The following LRP1B variants were observed in gnomAD, a reference collection of about 807,000 sequenced individuals.
LRP1B encodes low-density lipoprotein receptor-related protein 1B.
A neutral mutation model predicts 556.6 loss-of-function variants in LRP1B; 217 were observed. The observed-to-expected ratio is 0.39, with a 90% CI of 0.35 to 0.44. LRP1B has a LOEUF of 0.44. Among genes scored for constraint, LRP1B ranks in the 20% least tolerant of loss-of-function variants. LRP1B has a pLI of 1.00. For synonymous variants in LRP1B, 2,047 were observed against 1,865.8 expected, an observed-to-expected ratio of 1.10 and a Z score of -2.50; for missense variants, 5,053 against 5,620.8, an observed-to-expected ratio of 0.90 and a Z score of 3.23.
intron 2 of LRP1B, among the ~76,000 whole-genome samples, chr2:141,773,316 A>G (rs1694959932): frequency 6.6e-6 from 1 of 152,206 alleles, no homozygotes; most frequent in Admixed American, 6.5e-5. Context: ...TGAAATTTAA[A>G]ATTCTGGGGA....
At chr2:140,484,242 T>A (rs1325767566) in intron 59 of LRP1B, among the ~76,000 whole-genome samples, 5 of 152,130 alleles carry the variant, frequency 3.3e-5, no homozygotes, top group African/African-American at 1.2e-4. Flanking sequence ...ACAAAGCTTC[T>A]CCTATTAGGT....
rs116225973 is a variant in LRP1B at position 140,771,149 on chromosome 2, T to C, written c.5501-143A>G. On this transcript the variant is annotated intron_variant, in intron 33 of 90. Transcript: ENST00000389484. Reference sequence around the variant, plus strand: ...CATACTGGTTAAAGATTACGCTTTATTCTCTTGAATAATTTAAAGTAGTAA... The same window carrying C: ...CATACTGGTTAAAGATTACGCTTTACTCTCTTGAATAATTTAAAGTAGTAA... 8.9e-6 allele frequency: 5 copies of C among 562,874 alleles called. No homozygotes were observed. The African/African-American group carries it at 9.9e-5, about 11-fold the overall frequency. The allele number at this position is 562,874 out of a possible 1,614,324, so 34.9% of individuals were successfully genotyped here.
chr2:141,963,797 T>G (rs1248536638), intron 1 of LRP1B, among the ~76,000 whole-genome samples: 1 of 146,406 alleles, frequency 6.8e-6, no homozygotes, highest in African/African-American at 2.6e-5. Flanking sequence ...AAAGAGGAAG[T>G]CAAATTGTCC....
chr2:142,032,962 T>C (rs1703757237), intron 1 of LRP1B, among the ~76,000 whole-genome samples: 1 of 151,836 alleles, frequency 6.6e-6, no homozygotes, highest in South Asian at 2.1e-4. Context: ...TCTTTTGACC[T>C]AGCTCCCACA....
At chr2:140,405,666 T>C (rs1009691730) in intron 66 of LRP1B, among the ~76,000 whole-genome samples, 3 of 152,108 alleles carry the variant, frequency 2.0e-5, no homozygotes, top group Non-Finnish European at 4.4e-5. Context: ...ATAGAAACCC[T>C]GAACAGACCA....
At chr2:141,823,332 T>C (rs537573542) in intron 1 of LRP1B, among the ~76,000 whole-genome samples, 1 of 152,250 alleles carries the variant, frequency 6.6e-6, no homozygotes, top group African/African-American at 2.4e-5. Flanking sequence ...CTTGGGAGCA[T>C]GATTCTATGC....
At chr2:140,992,481 G>T (rs1365198188) in intron 16 of LRP1B, 1 of 152,030 alleles carries the variant, frequency 6.6e-6, no homozygotes, top group African/African-American at 2.4e-5. Context: ...CTCTGCTCAG[G>T]CATTTAAAGT....
chr2:141,733,131 G>A (rs1485391452), intron 2 of LRP1B, among the ~76,000 whole-genome samples: 1 of 152,042 alleles, frequency 6.6e-6, no homozygotes, highest in East Asian at 1.9e-4. Context: ...GGCTATGTTT[G>A]CCTGAAGCTA....
At chr2:141,346,832 T>C (rs1320168077) in intron 3 of LRP1B, among the ~76,000 whole-genome samples, 1 of 152,186 alleles carries the variant, frequency 6.6e-6, no homozygotes, top group East Asian at 1.9e-4. Context: ...TCAGCTTTAA[T>C]ACAGGTAACA....
At chr2:141,360,480 A>T (rs1356390677) in intron 3 of LRP1B, among the ~76,000 whole-genome samples, 5 of 152,208 alleles carry the variant, frequency 3.3e-5, no homozygotes, top group African/African-American at 1.2e-4. Flanking sequence ...CACCAAATTG[A>T]TATCTAATTT....
chr2:140,664,106 T>TA (rs2105345439), intron 41 of LRP1B, among the ~76,000 whole-genome samples: 1 of 152,274 alleles, frequency 6.6e-6, no homozygotes, highest in African/African-American at 2.4e-5. Flanking sequence ...CAGTTTGTGG[T>TA]GCCTCAAAAT....
Position 141,038,020 on chromosome 2 carries a change from T to C in LRP1B, c.1789+10966A>G, listed in dbSNP as rs1190579507. 5.9e-5 allele frequency among the ~76,000 whole-genome samples: 9 copies of C among 152,020 alleles called. No individual in the cohort carries two copies. The Admixed American group carries it at 5.9e-4, about 10-fold the overall frequency. ...TTCAAATAAGATTTTTTAAATCTCC[T>C]TACCTCTCTTTACCACTGTTACCTC... is the stretch of plus-strand genomic sequence containing the variant. On this transcript the variant is annotated intron_variant, in intron 11 of 90. Coordinates refer to ENST00000389484, the MANE Select transcript of LRP1B (RefSeq NM_018557.3).
At chr2:141,647,705 T>TTTG (rs1340102629) in intron 2 of LRP1B, among the ~76,000 whole-genome samples, 1 of 150,722 alleles carries the variant, frequency 6.6e-6, no homozygotes, top group African/African-American at 2.4e-5. Context: ...ACCTTCTAGT[T>TTTG]TTTTTTTTTT....
chr2:141,653,992 A>G (rs1210279373), intron 2 of LRP1B, among the ~76,000 whole-genome samples: 1 of 152,168 alleles, frequency 6.6e-6, no homozygotes, highest in Non-Finnish European at 1.5e-5. Flanking sequence ...GATATTGAAT[A>G]CTTATTGTGA....
intron 2 of LRP1B, among the ~76,000 whole-genome samples, chr2:141,521,226 C>T (rs1684518690): frequency 6.6e-6 from 1 of 152,040 alleles, no homozygotes; most frequent in Non-Finnish European, 1.5e-5. Context: ...CATTTAAACC[C>T]TGTGCTACAC....
intron 35 of LRP1B, among the ~76,000 whole-genome samples, chr2:140,754,818 G>A (rs1056269467): frequency 6.7e-6 from 1 of 149,094 alleles, no homozygotes; most frequent in East Asian, 2.0e-4. Flanking sequence ...ATAAAGATTA[G>A]AGTGAAATTT....
intron 2 of LRP1B, among the ~76,000 whole-genome samples, chr2:141,698,199 T>A (rs544411467): frequency 6.6e-6 from 1 of 151,918 alleles, no homozygotes; most frequent in African/African-American, 2.4e-5. Context: ...AGTCACTCAG[T>A]GATTGCTTCT....
intron 10 of LRP1B, among the ~76,000 whole-genome samples, chr2:141,053,816 A>G (rs1699104542): frequency 1.0e-5 from 1 of 98,166 alleles, no homozygotes; most frequent in South Asian, 4.3e-4. Flanking sequence ...GCACATATGC[A>G]TGTGTGTATA....
intron 2 of LRP1B, among the ~76,000 whole-genome samples, chr2:141,675,536 C>A (rs536627512): frequency 6.8e-6 from 1 of 147,580 alleles, no homozygotes. Context: ...TAGTATTTTG[C>A]ATTTAAAATG....
Sources: allele counts gnomAD v4.1 joint callset (sites outside exome capture counted in the v4.1 genomes callset), GRCh38; gene constraint gnomAD v4.1.1; transcripts MANE v1.5; gene names NCBI Gene and HGNC (gene_info 2026-07-23, HGNC 2026-07-21).